PPP2R2C: variants seen among roughly 807,000 people sequenced by gnomAD.
PPP2R2C encodes the protein protein phosphatase 2, regulatory subunit B, gamma.
PPP2R2C carries 10 observed loss-of-function variants against 45.3 expected under a neutral mutation model. The observed-to-expected ratio is 0.22, with a 90% CI of 0.14 to 0.37. PPP2R2C has a LOEUF of 0.37. Among genes scored for constraint, PPP2R2C ranks in the 10% least tolerant of loss-of-function variants. PPP2R2C has a pLI of 1.00. For missense variants in PPP2R2C, 308 were observed against 619.7 expected, an observed-to-expected ratio of 0.50 and a Z score of 5.34; for synonymous variants, 257 against 245.4, an observed-to-expected ratio of 1.05 and a Z score of -0.44.
At chr4:6,456,690 T>C (rs10937730) in intron 1 of PPP2R2C, among the ~76,000 whole-genome samples, 28,525 of 152,162 alleles carry the variant, frequency 0.19, 2,847 homozygotes, top group East Asian at 0.4. Flanking sequence ...TGGGTGCCCC[T>C]CACGGTGAAC....
chr4:6,448,597 C>T (rs887101706), intron 1 of PPP2R2C, among the ~76,000 whole-genome samples: 1 of 152,026 alleles, frequency 6.6e-6, no homozygotes, highest in African/African-American at 2.4e-5. Flanking sequence ...CGTCTCAGGG[C>T]TGTTTCCTCA....
intron 2 of PPP2R2C, among the ~76,000 whole-genome samples, chr4:6,501,429 C>T (rs182274789): frequency 6.6e-6 from 1 of 152,274 alleles, no homozygotes; most frequent in Non-Finnish European, 1.5e-5. Context: ...TGACGGAGAC[C>T]CTCCGAGTTT....
chr4:6,375,186 A>G (rs1715197149), intron 4 of PPP2R2C, among the ~76,000 whole-genome samples: 2 of 152,186 alleles, frequency 1.3e-5, no homozygotes, highest in Admixed American at 1.3e-4. Flanking sequence ...TCGGCTGCCC[A>G]CTTCCTCAGA....
chr4:6,444,019 G>A (rs1720294524), intron 1 of PPP2R2C, among the ~76,000 whole-genome samples: 2 of 152,292 alleles, frequency 1.3e-5, no homozygotes, highest in African/African-American at 4.8e-5. Flanking sequence ...AAACAACCCT[G>A]GCCCGTGAGT....
chr4:6,351,507 T>C (rs1577094433), intron 5 of PPP2R2C, among the ~76,000 whole-genome samples: 1 of 151,966 alleles, frequency 6.6e-6, no homozygotes, highest in East Asian at 1.9e-4. Context: ...GGGCCTGGCT[T>C]TGGGGAGATA....
intron 1 of PPP2R2C, among the ~76,000 whole-genome samples, chr4:6,419,973 T>A (rs185409778): frequency 1.3e-5 from 2 of 152,296 alleles, no homozygotes; most frequent in African/African-American, 4.8e-5. Context: ...AGAACCCTAT[T>A]TCCAAATAAG....
rs1320348153 is a variant in PPP2R2C, at chr4:6,534,169, C to T, written c.49+1102G>A. On this transcript the variant is annotated intron_variant, in intron 2 of 9. Coordinates refer to the PPP2R2C transcript ENST00000506140. ...ACCAACATACACACACCAACACACACACATCAACACACACATCAACACATA... is the reference window on the plus strand; with the variant it reads ...ACCAACATACACACACCAACACACATACATCAACACACACATCAACACATA... 3.3e-5 allele frequency among the ~76,000 whole-genome samples: 5 copies of T among 150,370 alleles called. No homozygotes were observed. In the East Asian group the frequency reaches 7.8e-4, roughly 23 times the overall value.
chr4:6,541,120 A>G (rs1408418571), intron 1 of PPP2R2C, among the ~76,000 whole-genome samples: 2 of 152,192 alleles, frequency 1.3e-5, no homozygotes, highest in Non-Finnish European at 2.9e-5. Context: ...GATCTTTCCC[A>G]AAAGCCCCAC....
upstream of PPP2R2C, among the ~76,000 whole-genome samples, chr4:6,473,291 C>T (rs1329413344): frequency 6.6e-6 from 1 of 152,208 alleles, no homozygotes; most frequent in Non-Finnish European, 1.5e-5. Context: ...CCCCTCCTCC[C>T]TTCCCTCCCT....
In PPP2R2C at chr4:6,511,374, G is replaced by A. The variant is rs367817867; in HGVS notation, c.49+23897C>T. On this transcript the variant is annotated intron_variant, in intron 2 of 9. Coordinates refer to the PPP2R2C transcript ENST00000506140. ...CAGTGATGGTAATGGTGGTGGTGGCGGTGATGGTGGTGATGGTGATGGTGG... is the reference window on the plus strand; with the variant it reads ...CAGTGATGGTAATGGTGGTGGTGGCAGTGATGGTGGTGATGGTGATGGTGG... Among the ~76,000 whole-genome samples, 303 of 140,396 alleles carry A rather than the reference G, an allele frequency of 2.2e-3. 1 individual carries two copies. The Middle Eastern group carries it at 0.025, about 11-fold the overall frequency. The allele number at this position is 140,396 out of a possible 152,430, so 92.1% of individuals were successfully genotyped here. A position where few individuals can be genotyped will look rare whatever the true frequency, so the allele number is the denominator to read the frequency against.
rs1731566409 is a variant in PPP2R2C at position 6,321,777 on chromosome 4, T to C, written c.*1525A>G. The C allele has an allele frequency of 6.6e-6, 1 of 151,860 alleles. No individual in the cohort carries two copies. The highest frequency in any genetic ancestry group is 2.4e-5 in the African/African-American group (1 of 41,328). 9.4% of individuals were successfully genotyped at this position (151,860 alleles called of 1,614,324 possible). On this transcript the variant is annotated 3_prime_UTR_variant, in exon 9 of 9. Transcript: ENST00000382599. ...CATGAGCAAAGACGACTCAGAGGGG[T>C]GGGCAGGTTTGGTATCACCAGAACA...
intron 6 of PPP2R2C, among the ~76,000 whole-genome samples, chr4:6,340,085 G>T (rs1733330849): frequency 6.6e-6 from 1 of 152,172 alleles, no homozygotes; most frequent in African/African-American, 2.4e-5. Flanking sequence ...TGGCACAGGT[G>T]GGCACAATGA....
chr4:6,493,590 G>C (rs1237923401), intron 2 of PPP2R2C, among the ~76,000 whole-genome samples: 1 of 151,140 alleles, frequency 6.6e-6, no homozygotes, highest in South Asian at 2.1e-4. Context: ...ACACATACTA[G>C]ATCGATCTAG....
intron 2 of PPP2R2C, among the ~76,000 whole-genome samples, chr4:6,527,066 G>A (rs1196074829): frequency 6.6e-6 from 1 of 152,146 alleles, no homozygotes; most frequent in Non-Finnish European, 1.5e-5. Flanking sequence ...GGAGCTGCAG[G>A]TTTGAATCTC....
chr4:6,459,412 T>C (rs985706400), intron 1 of PPP2R2C, among the ~76,000 whole-genome samples: 1 of 152,172 alleles, frequency 6.6e-6, no homozygotes, highest in African/African-American at 2.4e-5. Flanking sequence ...ATATTGTTGG[T>C]TCTTCTCATG....
At chr4:6,337,379 G>T (rs1733059681) in intron 6 of PPP2R2C, among the ~76,000 whole-genome samples, 1 of 151,808 alleles carries the variant, frequency 6.6e-6, no homozygotes, top group Non-Finnish European at 1.5e-5. Context: ...ATGGAAACAA[G>T]GAAGAGAATC....
At position 6,508,528 on chromosome 4, in the gene PPP2R2C, G is replaced by A. The variant is rs187594685; in HGVS notation, c.49+26743C>T. 2.3e-3 allele frequency among the ~76,000 whole-genome samples: 353 copies of A among 152,212 alleles called. 1 individual carries two copies. Among genetic ancestry groups the A allele is most frequent in the African/African-American group, 8.3e-3 (343 of 41,518 alleles). ...TGCTTGAACCCGGGAGACAGAGCTT[G>A]CAGTGAGCCAAGATCGTGCCACTGC... On this transcript the variant is annotated intron_variant, in intron 2 of 9. Transcript: ENST00000506140.
intron 2 of PPP2R2C, among the ~76,000 whole-genome samples, chr4:6,506,411 G>A (rs62286097): frequency 0.12 from 17,811 of 152,148 alleles, 1,380 homozygotes; most frequent in Non-Finnish European, 0.18. Context: ...GAAAACAAAC[G>A]TCACGTGGAA....
At chr4:6,366,818 T>A (rs1350753710) in intron 5 of PPP2R2C, among the ~76,000 whole-genome samples, 2 of 151,042 alleles carry the variant, frequency 1.3e-5, no homozygotes, top group Non-Finnish European at 3.0e-5. Context: ...ACCCGAGAGG[T>A]GGGCAGGGGC....
Sources: gnomAD v4.1 joint callset for allele counts (sites outside exome capture counted in the v4.1 genomes callset) on GRCh38, gnomAD v4.1.1 for gene constraint, MANE v1.5 for transcripts, NCBI Gene and HGNC (gene_info 2026-07-23, HGNC 2026-07-21) for gene names.